MGAT5B: variants seen among roughly 807,000 people sequenced by gnomAD.
MGAT5B encodes N-acetylglucosaminyl-transferase Vb.
MGAT5B carries 54 observed loss-of-function variants against 95.1 expected under a neutral mutation model. The observed-to-expected ratio is 0.57, with a 90% CI of 0.46 to 0.71. The LOEUF is 0.71. Ranked by LOEUF, MGAT5B falls within the 30% of genes least tolerant of loss-of-function variation. The probability of loss-of-function intolerance (pLI) is 0.00; values close to 1 mark genes in which losing one functional copy is unlikely to be tolerated. For synonymous variants in MGAT5B, 464 were observed against 451.0 expected, an observed-to-expected ratio of 1.03 and a Z score of -0.36; for missense variants, 935 against 1,088.6, an observed-to-expected ratio of 0.86 and a Z score of 1.99.
chr17:76,900,173 GTA>G (rs1421887382), intron 3 of MGAT5B, among the ~76,000 whole-genome samples: 7 of 152,116 alleles, frequency 4.6e-5, no homozygotes, highest in Admixed American at 4.6e-4. Flanking sequence ...TCATCTCCTT[GTA>G]TCATACTGGT....
intron 2 of MGAT5B, among the ~76,000 whole-genome samples, chr17:76,877,329 TAAAAA>T (rs34612127): frequency 2.7e-5 from 3 of 111,210 alleles, no homozygotes; most frequent in South Asian, 3.1e-4. Context: ...TGTCTCGGCT[TAAAAA>T]AAAAAAAAAA....
chr17:76,885,412 T>C (rs1296073060), intron 3 of MGAT5B, among the ~76,000 whole-genome samples: 1 of 152,224 alleles, frequency 6.6e-6, no homozygotes, highest in Non-Finnish European at 1.5e-5. Flanking sequence ...TTGGTCTCTG[T>C]TGAGGATATT....
chr17:76,928,416 A>G (rs1478017353), intron 10 of MGAT5B, among the ~76,000 whole-genome samples: 5 of 152,048 alleles, frequency 3.3e-5, no homozygotes, highest in Non-Finnish European at 5.9e-5. Context: ...CTTAGAAGGG[A>G]AGCAGTCAAG....
chr17:76,920,078 A>AC (rs1213163704), intron 8 of MGAT5B, among the ~76,000 whole-genome samples: 1 of 152,040 alleles, frequency 6.6e-6, no homozygotes, highest in African/African-American at 2.4e-5. Context: ...GCCTGGGGAC[A>AC]CTCAGAAATA....
chr17:76,933,810 G>A (rs1227180721), intron 12 of MGAT5B, among the ~76,000 whole-genome samples: 1 of 152,176 alleles, frequency 6.6e-6, no homozygotes, highest in Non-Finnish European at 1.5e-5. Context: ...AAATTTCAGA[G>A]GTCGGGAGGG....
At chr17:76,876,541 C>A (rs529158187) in intron 2 of MGAT5B, among the ~76,000 whole-genome samples, 1 of 152,138 alleles carries the variant, frequency 6.6e-6, no homozygotes, top group African/African-American at 2.4e-5. Flanking sequence ...CCTGTCAAAC[C>A]GGTGACAGAA....
chr17:76,926,461 A>C, intron 9 of MGAT5B, 136 bp from the exon 10 acceptor site: 1 of 809,708 alleles, frequency 1.2e-6, no homozygotes, highest in Admixed American at 2.7e-5. Context: ...GCAGTGTCCT[A>C]GTCCAAGTGC....
At chr17:76,874,716 C>T (rs983264744) in intron 2 of MGAT5B, among the ~76,000 whole-genome samples, 1 of 152,056 alleles carries the variant, frequency 6.6e-6, no homozygotes, top group South Asian at 2.1e-4. Flanking sequence ...AACTCACCTA[C>T]CCCATGGCTC....
chr17:76,942,490 G>A (rs1461765237), intron 15 of MGAT5B, among the ~76,000 whole-genome samples: 2 of 152,148 alleles, frequency 1.3e-5, no homozygotes, highest in African/African-American at 4.8e-5. Context: ...TCATGCCACT[G>A]CACTCCAGCC....
intron 3 of MGAT5B, among the ~76,000 whole-genome samples, chr17:76,894,872 AG>A (rs1214945558): frequency 1.3e-5 from 2 of 151,728 alleles, no homozygotes; most frequent in Non-Finnish European, 2.9e-5. Context: ...AAAGAAAAAA[AG>A]AAAAAAAAAG....
chr17:76,872,808 T>A (rs763104585), intron 1 of MGAT5B, 43 bp from the exon 2 acceptor site: 1 of 1,614,130 alleles, frequency 6.2e-7, no homozygotes, highest in Non-Finnish European at 8.5e-7. Flanking sequence ...CAGGGCACGA[T>A]GGCCCTTCCT....
chr17:76,879,795 G>A (rs549342714), intron 2 of MGAT5B, among the ~76,000 whole-genome samples: 6 of 152,180 alleles, frequency 3.9e-5, no homozygotes, highest in South Asian at 2.1e-4. Context: ...AAAGTAAACC[G>A]TTGCCCCCGC....
intron 2 of MGAT5B, among the ~76,000 whole-genome samples, chr17:76,873,861 G>A (rs1218101525): frequency 1.3e-5 from 2 of 152,196 alleles, no homozygotes; most frequent in Non-Finnish European, 2.9e-5. Flanking sequence ...GCCCCTCTGG[G>A]GAAGTCTCTC....
chr17:76,883,367 T>C (rs184142477), intron 3 of MGAT5B, among the ~76,000 whole-genome samples: 18 of 152,354 alleles, frequency 1.2e-4, no homozygotes, highest in African/African-American at 4.1e-4. Context: ...TATGTACCCC[T>C]GGCCATTTTT....
chr17:76,929,045 T>C (rs531417675), intron 10 of MGAT5B, among the ~76,000 whole-genome samples: 23 of 152,170 alleles, frequency 1.5e-4, no homozygotes, highest in Admixed American at 5.9e-4. Context: ...TTTGTATTTT[T>C]AGTAGAGAGA....
At position 76,949,659 on chromosome 17, in the gene MGAT5B, G is replaced by C. The variant is rs546124851; in HGVS notation, c.*821G>C. ...ACCTGCAACTCCAGGTGGTGGATTT[G>C]TTCCAAAGCCTCAATCCCTACCCCC... On this transcript the variant is annotated 3_prime_UTR_variant, in exon 18 of 18. Coordinates refer to ENST00000569840, the MANE Select transcript of MGAT5B (RefSeq NM_001199172.2). 3.3e-5 allele frequency: 5 copies of C among 152,198 alleles called. No homozygotes were observed. The South Asian group carries it at 1.0e-3, about 32-fold the overall frequency. 9.4% of individuals were successfully genotyped at this position (152,198 alleles called of 1,614,324 possible).
chr17:76,940,170 TG>T lies in MGAT5B; in HGVS notation c.1585-228del, dbSNP rs1361002726. Among the ~76,000 whole-genome samples the T allele has an allele frequency of 1.3e-5, 2 of 152,260 alleles. No homozygotes were observed. Among genetic ancestry groups the T allele is most frequent in the Admixed American group, 1.3e-4 (2 of 15,296 alleles). On this transcript the variant is annotated intron_variant, in intron 13 of 17. Transcript: ENST00000569840. The surrounding 1 kb of genome is among the most constrained non-coding windows in gnomAD (Gnocchi z 4.3). ...TAATTAGACCCCCTTATTTCACAAATGGGGAAACTGAGGCCCAGAGAGGGGA... is the reference window on the plus strand; with the variant it reads ...TAATTAGACCCCCTTATTTCACAAATGGGAAACTGAGGCCCAGAGAGGGGA...
rs1969834043 is a variant in MGAT5B at position 76,940,598 on chromosome 17, C to A, written c.1731+50C>A. On this transcript the variant is annotated intron_variant, in intron 14 of 17. Transcript: ENST00000569840. The surrounding 1 kb of genome is among the most constrained non-coding windows in gnomAD (Gnocchi z 4.3). ...CGATCAGGAGGGGCCGGGACAGAGACCCCTGCAGGTCCTGGAAGAGGCAGA... is the reference window on the plus strand; with the variant it reads ...CGATCAGGAGGGGCCGGGACAGAGAACCCTGCAGGTCCTGGAAGAGGCAGA... The A allele has an allele frequency of 3.8e-6, 6 of 1,586,922 alleles. No homozygotes were observed. Among genetic ancestry groups the A allele is most frequent in the Non-Finnish European group, 5.2e-6 (6 of 1,162,844 alleles).
chr17:76,933,435 G>C (rs1969558745), intron 12 of MGAT5B, 138 bp downstream of exon 12: 1 of 1,146,490 alleles, frequency 8.7e-7, no homozygotes, highest in South Asian at 1.4e-5. Flanking sequence ...GATGGACCAA[G>C]GTGGGGAAGA....
Sources: allele counts gnomAD v4.1 joint callset (sites outside exome capture counted in the v4.1 genomes callset), GRCh38; gene constraint gnomAD v4.1.1; non-coding constraint Gnocchi (gnomAD v3.1); transcripts MANE v1.5; gene names NCBI Gene and HGNC (gene_info 2026-07-23, HGNC 2026-07-21).